SOCS4: variants seen among roughly 807,000 people sequenced by gnomAD.
SOCS4 encodes the protein suppressor of cytokine signaling 4.
In SOCS4, 20 loss-of-function variants were observed where a neutral mutation model predicts 34.1. That is an observed-to-expected ratio of 0.59 (90% CI 0.41 to 0.85). The LOEUF (loss-of-function observed/expected upper bound fraction) is 0.85. Ranked by LOEUF, SOCS4 falls within the 40% of genes least tolerant of loss-of-function variation. SOCS4 has a pLI of 0.00. For synonymous variants in SOCS4, 180 were observed against 186.4 expected (o/e 0.97, Z 0.28); for missense variants, 479 against 532.4 (o/e 0.90, Z 0.99).
chr14:55,037,270 G>A (rs1035278475), intron 2 of SOCS4, among the ~76,000 whole-genome samples: 11 of 149,506 alleles, frequency 7.4e-5, no homozygotes, highest in African/African-American at 2.5e-4. Context: ...TCAGCCTCCC[G>A]AGTAGCTGGG....
chr14:55,036,031 T>G (rs1353833220), intron 2 of SOCS4, among the ~76,000 whole-genome samples: 2 of 152,212 alleles, frequency 1.3e-5, no homozygotes, highest in East Asian at 3.8e-4. Context: ...TCTTATGGAC[T>G]CAAACCATGT....
rs755714412 is a variant in SOCS4 at position 55,045,303 on chromosome 14, T to C, written c.*939T>C. The C allele has an allele frequency of 7.8e-5, 13 of 167,152 alleles. No individual in the cohort carries two copies. The highest frequency in any genetic ancestry group is 3.9e-4 in the Admixed American group (6 of 15,306). The allele number at this position is 167,152 out of a possible 1,614,324, so 10.4% of individuals were successfully genotyped here. ...TTATAGAAACTCTGAGCTGTTACTT[T>C]GGGGAAATTCCACAATGTATTAGCA... On this transcript the variant is annotated 3_prime_UTR_variant, in exon 3 of 3. Transcript: ENST00000555846.
Position 55,041,491 on chromosome 14 carries a change from T to C in SOCS4, c.-90-1461T>C, listed in dbSNP as rs543352830. Reference sequence around the variant, plus strand: ...TCCTGGCGTAAATCTTTTTTTTTTTTCCTCCAAGACAGAGTCTTGCTCTGT... The same window carrying C: ...TCCTGGCGTAAATCTTTTTTTTTTTCCCTCCAAGACAGAGTCTTGCTCTGT... On this transcript the variant is annotated intron_variant, in intron 2 of 2. Transcript: ENST00000555846. 2.0e-3 allele frequency among the ~76,000 whole-genome samples: 301 copies of C among 151,978 alleles called. 1 individual carries two copies. The highest frequency in any genetic ancestry group is 6.9e-3 in the African/African-American group (285 of 41,466).
At chr14:55,037,287 G>A (rs529961725) in intron 2 of SOCS4, among the ~76,000 whole-genome samples, 13 of 151,782 alleles carry the variant, frequency 8.6e-5, no homozygotes, top group Non-Finnish European at 1.9e-4. Context: ...TGGGACTACA[G>A]GTGCCTACCA....
At chr14:55,036,749 T>A (rs1395162018) in intron 2 of SOCS4, among the ~76,000 whole-genome samples, 1 of 152,194 alleles carries the variant, frequency 6.6e-6, no homozygotes, top group East Asian at 1.9e-4. Context: ...TCTTGTCTTT[T>A]CTGTCTAGTT....
rs1456422769 is a variant in SOCS4, at chr14:55,045,852, T to TA, written c.*1491dup. 2 of 166,976 alleles carry TA rather than the reference T, an allele frequency of 1.2e-5. No homozygotes were observed. The highest frequency in any genetic ancestry group is 1.3e-4 in the Admixed American group (2 of 15,274). The allele number at this position is 166,976 out of a possible 1,614,324, so 10.3% of individuals were successfully genotyped here. ...CCTAGATTGAAAGAAATTTGACTCA[T>TA]AAACTTCCAAGTTAGAACAAATATT... On this transcript the variant is annotated 3_prime_UTR_variant, in exon 3 of 3. Transcript: ENST00000555846.
chr14:55,033,922 C>T lies in SOCS4; in HGVS notation c.-91+1931C>T, dbSNP rs543387789. Among the ~76,000 whole-genome samples, 7 of 152,152 alleles carry T rather than the reference C, an allele frequency of 4.6e-5. No homozygotes were observed. The South Asian group carries it at 1.2e-3, about 27-fold the overall frequency. On this transcript the variant is annotated intron_variant, in intron 2 of 2. Transcript: ENST00000555846. ...CCGAGGTGGGTGGATCATTTGAGGT[C>T]GAGGAATTCAACACCAGCCTGGCCA...
intron 2 of SOCS4, among the ~76,000 whole-genome samples, chr14:55,034,638 C>T (rs953943528): frequency 1.8e-4 from 28 of 151,900 alleles, no homozygotes; most frequent in Non-Finnish European, 2.4e-4. Context: ...TCAAGACCAG[C>T]CTGGCCAAGA....
chr14:55,042,773 A>T (rs955988540), intron 2 of SOCS4, among the ~76,000 whole-genome samples, 179 bp from the exon 3 acceptor site: 1 of 152,234 alleles, frequency 6.6e-6, no homozygotes, highest in Non-Finnish European at 1.5e-5. Flanking sequence ...GTTATCATGT[A>T]TATTATATAA....
At position 55,043,787 on chromosome 14, in the gene SOCS4, G is replaced by A; in HGVS notation, c.746G>A (p.Trp249Ter). 6.2e-7 allele frequency: 1 copy of A among 1,614,070 alleles called. No homozygotes were observed. Among genetic ancestry groups the A allele is most frequent in the South Asian group, 1.1e-5 (1 of 91,064 alleles). Reference protein sequence around the residue: ...TSSRKRNKPKWDLDDEILQLE... With the variant: ...TSSRKRNKPK ...TCCAGAAAAAGAAACAAACCCAAAT[G>A]GGATTTGGATGATGAAATCCTGCAG... Residue 249 changes from tryptophan to a stop codon, truncating the protein, a stop_gained, in exon 3 of 3, where the codon TGG (tryptophan) becomes TAG (stop). Coordinates refer to ENST00000555846, the MANE Select transcript of SOCS4 (RefSeq NM_199421.2). LOFTEE classifies it high-confidence loss of function.
At position 55,043,844 on chromosome 14, in the gene SOCS4, T is replaced by C. The variant is rs1410792716; in HGVS notation, c.803T>C (p.Ile268Thr). ...ACACCTCCTAAATACCACACGCAGA[T>C]TGATTATGTCCACTGTCTTGTACCA... ...LETPPKYHTQ[I>T]DYVHCLVPDL... The change falls in exon 3 of 3, where the codon ATT becomes ACT. Residue 268 changes from isoleucine (I) to threonine (T), a missense_variant. Coordinates refer to ENST00000555846, the MANE Select transcript of SOCS4 (RefSeq NM_199421.2). The C allele has an allele frequency of 6.2e-7, 1 of 1,614,030 alleles. No individual in the cohort carries two copies. The highest frequency in any genetic ancestry group is 2.2e-5 in the East Asian group (1 of 44,898).
At chr14:55,035,141 A>G (rs1005843820) in intron 2 of SOCS4, among the ~76,000 whole-genome samples, 1 of 152,180 alleles carries the variant, frequency 6.6e-6, no homozygotes, top group Non-Finnish European at 1.5e-5. Context: ...GATTACAGAC[A>G]TGAGCCACCG....
Position 55,044,060 on chromosome 14 carries a change from A to G in SOCS4, c.1019A>G (p.His340Arg). 1 of 1,614,138 alleles carries G rather than the reference A, an allele frequency of 6.2e-7. No homozygotes were observed. Among genetic ancestry groups the G allele is most frequent in the Non-Finnish European group, 8.5e-7 (1 of 1,179,996 alleles). ...CATGCTAGAATTGAACAGTGGAATC[A>G]CAACTTTAGCTTTGATGCACATGAC... is the stretch of plus-strand genomic sequence containing the variant. The part of the protein sequence containing the change: ...SLHARIEQWN[H>R]NFSFDAHDPC... Residue 340 changes from histidine (H) to arginine (R), a missense_variant, in exon 3 of 3, where the codon CAC (histidine) becomes CGC (arginine). Coordinates refer to ENST00000555846, the MANE Select transcript of SOCS4 (RefSeq NM_199421.2).
rs1480184113 is a variant in SOCS4, at chr14:55,048,590, CTATTCTAATACAGTAAGATAT to C, written c.*4228_*4248del. The C allele has an allele frequency of 9.6e-5, 16 of 166,996 alleles. No homozygotes were observed. The highest frequency in any genetic ancestry group is 3.9e-4 in the African/African-American group (16 of 41,446). 10.3% of individuals were successfully genotyped at this position (166,996 alleles called of 1,614,324 possible). On this transcript the variant is annotated 3_prime_UTR_variant, in exon 3 of 3. Coordinates refer to ENST00000555846, the MANE Select transcript of SOCS4 (RefSeq NM_199421.2). Reference sequence around the variant, plus strand: ...TGAGCAGTGCAAGAGTCTACCTGTACTATTCTAATACAGTAAGATATTGGACACAAAATGGAGGTAACTTTT... The same window carrying C: ...TGAGCAGTGCAAGAGTCTACCTGTACTGGACACAAAATGGAGGTAACTTTT...
At position 55,046,136 on chromosome 14, in the gene SOCS4, A is replaced by C. The variant is rs1566758404; in HGVS notation, c.*1772A>C. The C allele has an allele frequency of 1.2e-5, 2 of 166,524 alleles. No homozygotes were observed. The highest frequency in any genetic ancestry group is 2.9e-5 in the Non-Finnish European group (2 of 67,994). 10.3% of individuals were successfully genotyped at this position (166,524 alleles called of 1,614,324 possible). On this transcript the variant is annotated 3_prime_UTR_variant, in exon 3 of 3. Coordinates refer to ENST00000555846, the MANE Select transcript of SOCS4 (RefSeq NM_199421.2). ...GAGGCTCAGGATATCGGATATCATA[A>C]CACCAATGTCAGGATAAATATCTCT...
intron 1 of SOCS4, among the ~76,000 whole-genome samples, chr14:55,029,245 CTAGT>C (rs1006348365): frequency 1.1e-4 from 17 of 152,110 alleles, no homozygotes; most frequent in African/African-American, 3.1e-4. Flanking sequence ...GCAAAATTGT[CTAGT>C]TAGTTAAAAT....
chr14:55,037,044 G>C (rs1340599659), intron 2 of SOCS4, among the ~76,000 whole-genome samples: 2 of 151,996 alleles, frequency 1.3e-5, no homozygotes, highest in African/African-American at 4.8e-5. Flanking sequence ...TGAGCCCTGG[G>C]AAACAGAGGT....
Position 55,044,544 on chromosome 14 carries a change from C to G in SOCS4, c.*180C>G. ...TACACAAATTGTTTAAGGTTATACA[C>G]TCGAGCTTAAATAGATATTTTTAAC... is the stretch of plus-strand genomic sequence containing the variant. On this transcript the variant is annotated 3_prime_UTR_variant, in exon 3 of 3. Coordinates refer to ENST00000555846, the MANE Select transcript of SOCS4 (RefSeq NM_199421.2). 2.8e-6 allele frequency: 1 copy of G among 352,834 alleles called. No homozygotes were observed. Among genetic ancestry groups the G allele is most frequent in the Non-Finnish European group, 5.1e-6 (1 of 197,868 alleles). 21.9% of individuals were successfully genotyped at this position (352,834 alleles called of 1,614,324 possible). A position where few individuals can be genotyped will look rare whatever the true frequency, so the allele number is the denominator to read the frequency against.
Position 55,036,790 on chromosome 14 carries a change from C to A in SOCS4, c.-91+4799C>A, listed in dbSNP as rs537522934. ...TTTTTTCCTATTTGCTGTATTAGTT[C>A]CTAAGCATACCCACGAACTTTTCTA... is the stretch of plus-strand genomic sequence containing the variant. On this transcript the variant is annotated intron_variant, in intron 2 of 2. Transcript: ENST00000555846. Among the ~76,000 whole-genome samples the A allele has an allele frequency of 2.3e-3, 352 of 152,066 alleles. 2 individuals are homozygous for A. The highest frequency in any genetic ancestry group is 8.2e-3 in the African/African-American group (338 of 41,468).
Sources: gnomAD v4.1 joint callset for allele counts (sites outside exome capture counted in the v4.1 genomes callset) on GRCh38, gnomAD v4.1.1 for gene constraint, MANE v1.5 for transcripts, NCBI Gene and HGNC (gene_info 2026-07-23, HGNC 2026-07-21) for gene names.